The following PTPN4 variants were observed in gnomAD, a reference collection of about 807,000 sequenced individuals.
The protein encoded by PTPN4 is tyrosine-protein phosphatase non-receptor type 4.
A neutral mutation model predicts 135.5 loss-of-function variants in PTPN4; 49 were observed. The ratio of observed to expected loss-of-function variants is 0.36; its 90% CI spans 0.29 to 0.46. The LOEUF (loss-of-function observed/expected upper bound fraction) is 0.46, where lower values mean the gene tolerates loss of function less well. Ranked by LOEUF, PTPN4 falls within the 20% of genes least tolerant of loss-of-function variation. PTPN4 has a pLI of 1.00. For synonymous variants in PTPN4, 333 were observed against 369.9 expected (o/e 0.90, Z 1.14); for missense variants, 860 against 1,101.0 (o/e 0.78, Z 3.10).
chr2:119,802,042 A>C (rs1015563392), intron 1 of PTPN4, among the ~76,000 whole-genome samples: 2 of 151,774 alleles, frequency 1.3e-5, no homozygotes, highest in African/African-American at 2.4e-5. Context: ...CTGGGACTAC[A>C]ACAGGCGCCC....
chr2:119,940,612 TCCCCAG>T (rs1679047298), intron 15 of PTPN4, among the ~76,000 whole-genome samples: 1 of 152,060 alleles, frequency 6.6e-6, no homozygotes, highest in African/African-American at 2.4e-5. Context: ...TACACCACCA[TCCCCAG>T]TTTATTTTTT....
chr2:119,808,955 T>A (rs1003660118), intron 1 of PTPN4, among the ~76,000 whole-genome samples: 1 of 152,222 alleles, frequency 6.6e-6, no homozygotes, highest in Non-Finnish European at 1.5e-5. Flanking sequence ...TACTTATTGC[T>A]TACTCATTCA....
chr2:119,763,691 A>T (rs1015831506), intron 1 of PTPN4, among the ~76,000 whole-genome samples: 4 of 152,190 alleles, frequency 2.6e-5, no homozygotes, highest in Admixed American at 2.0e-4. Flanking sequence ...TATCATAGAA[A>T]TATTTTTTGC....
intron 2 of PTPN4, among the ~76,000 whole-genome samples, chr2:119,846,380 A>G (rs1483900568): frequency 6.6e-6 from 1 of 152,232 alleles, no homozygotes; most frequent in Non-Finnish European, 1.5e-5. Flanking sequence ...CTTTAGCGTT[A>G]TAAAATTTCC....
chr2:119,812,568 A>G (rs1286438878), intron 2 of PTPN4, among the ~76,000 whole-genome samples: 1 of 152,184 alleles, frequency 6.6e-6, no homozygotes, highest in Non-Finnish European at 1.5e-5. Context: ...TGCTGTGGAC[A>G]TAGGAATGAT....
chr2:119,910,592 A>T (rs1288571242), intron 10 of PTPN4, among the ~76,000 whole-genome samples: 1 of 152,064 alleles, frequency 6.6e-6, no homozygotes, highest in Non-Finnish European at 1.5e-5. Flanking sequence ...CATAATCCCC[A>T]TGTGTCAAGG....
chr2:119,944,591 TC>T (rs1016626241), intron 15 of PTPN4, among the ~76,000 whole-genome samples: 1 of 152,214 alleles, frequency 6.6e-6, no homozygotes, highest in African/African-American at 2.4e-5. Flanking sequence ...ATCTCAGCAC[TC>T]TTACTCAGAT....
At chr2:119,976,086 C>G (rs1343054924) in intron 26 of PTPN4, among the ~76,000 whole-genome samples, 1 of 151,414 alleles carries the variant, frequency 6.6e-6, no homozygotes, top group Non-Finnish European at 1.5e-5. Context: ...AGCTCCGCCT[C>G]CCAGGTTCAC....
At chr2:119,843,357 A>G (rs1351170719) in intron 2 of PTPN4, among the ~76,000 whole-genome samples, 2 of 145,884 alleles carry the variant, frequency 1.4e-5, no homozygotes, top group Non-Finnish European at 3.0e-5. Flanking sequence ...TTCTTAGTGC[A>G]GAACAAAATG....
chr2:119,966,482 T>C (rs948645994), intron 25 of PTPN4, among the ~76,000 whole-genome samples: 6 of 152,184 alleles, frequency 3.9e-5, no homozygotes, highest in Admixed American at 6.5e-5. Context: ...GGTCTCGAAC[T>C]CCTGGGCTCA....
intron 1 of PTPN4, among the ~76,000 whole-genome samples, chr2:119,765,824 G>A (rs2104916429): frequency 6.6e-6 from 1 of 152,288 alleles, no homozygotes. Context: ...ATGAAAGAAT[G>A]TGTGGTGTGT....
intron 3 of PTPN4, among the ~76,000 whole-genome samples, chr2:119,867,249 C>T (rs954158603): frequency 6.6e-6 from 1 of 151,930 alleles, no homozygotes; most frequent in South Asian, 2.1e-4. Flanking sequence ...TACACATATC[C>T]CTGTGGTTAT....
At chr2:119,814,496 C>G (rs1328083794) in intron 2 of PTPN4, among the ~76,000 whole-genome samples, 1 of 152,176 alleles carries the variant, frequency 6.6e-6, no homozygotes, top group East Asian at 1.9e-4. Context: ...ACCCTGCCTT[C>G]TCTTTTTGAA....
At chr2:119,891,345 C>T (rs148170710) in intron 9 of PTPN4, among the ~76,000 whole-genome samples, 2,421 of 152,132 alleles carry the variant, frequency 0.016, 52 homozygotes, top group African/African-American at 0.052. Flanking sequence ...GTTTTTGAGA[C>T]GGAGTCTTGC....
intron 3 of PTPN4, among the ~76,000 whole-genome samples, chr2:119,865,887 T>TGATAAAC (rs1677828249): frequency 1.3e-5 from 2 of 152,108 alleles, no homozygotes; most frequent in Non-Finnish European, 2.9e-5. Flanking sequence ...ATTTTGTTTT[T>TGATAAAC]TTCTCCTAAG....
intron 2 of PTPN4, among the ~76,000 whole-genome samples, chr2:119,843,218 C>CT (rs779045976): frequency 0.039 from 4,149 of 107,250 alleles, 115 homozygotes; most frequent in African/African-American, 0.085. Flanking sequence ...ATGCATTTTT[C>CT]TTTTTTTTTT....
At chr2:119,956,967 C>A (rs1422537462) in intron 21 of PTPN4, 33 bp downstream of exon 21, 1 of 1,602,496 alleles carries the variant, frequency 6.2e-7, no homozygotes, top group Non-Finnish European at 8.5e-7. Context: ...TAAATTTAAT[C>A]TTTTAAACAT....
chr2:119,778,391 T>G (rs1343898421), intron 1 of PTPN4, among the ~76,000 whole-genome samples: 1 of 152,238 alleles, frequency 6.6e-6, no homozygotes, highest in Non-Finnish European at 1.5e-5. Flanking sequence ...ATTATTTAGT[T>G]TCCATCCCTA....
chr2:119,782,817 C>T (rs1207251897), intron 1 of PTPN4, among the ~76,000 whole-genome samples: 1 of 148,534 alleles, frequency 6.7e-6, no homozygotes, highest in Non-Finnish European at 1.5e-5. Context: ...GCTATCCTCT[C>T]ACCTCAGCCT....
Sources: allele counts gnomAD v4.1 joint callset (sites outside exome capture counted in the v4.1 genomes callset), GRCh38; gene constraint gnomAD v4.1.1; transcripts MANE v1.5; gene names NCBI Gene and HGNC (gene_info 2026-07-23, HGNC 2026-07-21).